DLG2: variants seen among roughly 807,000 people sequenced by gnomAD.
The protein encoded by DLG2 is disks large homolog 2.
In DLG2, 45 loss-of-function variants were observed where a neutral mutation model predicts 132.5. The ratio of observed to expected loss-of-function variants is 0.34; its 90% CI spans 0.27 to 0.44. The LOEUF (loss-of-function observed/expected upper bound fraction) is 0.44. Among genes scored for constraint, DLG2 ranks in the 20% least tolerant of loss-of-function variants. The pLI is 1.00. For synonymous variants in DLG2, 424 were observed against 419.6 expected, an observed-to-expected ratio of 1.01 and a Z score of -0.13; for missense variants, 1,045 against 1,196.9, an observed-to-expected ratio of 0.87 and a Z score of 1.87.
At chr11:85,242,426 T>A (rs1319170661) in intron 4 of DLG2, among the ~76,000 whole-genome samples, 1 of 151,956 alleles carries the variant, frequency 6.6e-6, no homozygotes, top group Admixed American at 6.6e-5. Context: ...AGATTAGCTA[T>A]CTTTCTTAAT....
At chr11:84,196,404 G>A (rs1270660312) in intron 8 of DLG2, among the ~76,000 whole-genome samples, 3 of 152,186 alleles carry the variant, frequency 2.0e-5, no homozygotes, top group Non-Finnish European at 2.9e-5. Flanking sequence ...GTGTGAGAAA[G>A]TGTTGAGCGG....
intron 18 of DLG2, among the ~76,000 whole-genome samples, chr11:83,747,344 C>A (rs1365651325): frequency 1.3e-5 from 2 of 149,408 alleles, no homozygotes; most frequent in Non-Finnish European, 3.0e-5. Flanking sequence ...TCCTTCCTGC[C>A]TTCCTTCCTG....
At chr11:84,117,139 T>G (rs1291003556) in intron 9 of DLG2, among the ~76,000 whole-genome samples, 1 of 152,176 alleles carries the variant, frequency 6.6e-6, no homozygotes, top group Non-Finnish European at 1.5e-5. Context: ...CGCACCCTAA[T>G]CCTTACAAAT....
chr11:83,503,939 C>T (rs979133781), intron 21 of DLG2, among the ~76,000 whole-genome samples: 1 of 152,122 alleles, frequency 6.6e-6, no homozygotes, highest in East Asian at 1.9e-4. Context: ...GTCATAATTA[C>T]ACCTAACATA....
chr11:84,281,839 G>C (rs1170309557), intron 7 of DLG2, among the ~76,000 whole-genome samples: 1 of 152,026 alleles, frequency 6.6e-6, no homozygotes, highest in Non-Finnish European at 1.5e-5. Flanking sequence ...TATTAGAATG[G>C]TTAATATTTA....
At chr11:84,561,841 T>A (rs574792625) in intron 6 of DLG2, among the ~76,000 whole-genome samples, 3 of 152,272 alleles carry the variant, frequency 2.0e-5, no homozygotes, top group Admixed American at 2.0e-4. Flanking sequence ...GATTTAAAAT[T>A]GACTTCTTTT....
chr11:85,253,264 G>C (rs2076489491), intron 4 of DLG2, among the ~76,000 whole-genome samples: 1 of 152,092 alleles, frequency 6.6e-6, no homozygotes, highest in African/African-American at 2.4e-5. Flanking sequence ...TTTATCCTAA[G>C]GAAAAATCAC....
chr11:84,554,595 A>G (rs1409270203), intron 6 of DLG2, among the ~76,000 whole-genome samples: 2 of 151,984 alleles, frequency 1.3e-5, no homozygotes, highest in African/African-American at 4.8e-5. Flanking sequence ...AAATATACAA[A>G]ATTAGCCGGG....
intron 6 of DLG2, among the ~76,000 whole-genome samples, chr11:84,660,524 T>C (rs2099693440): frequency 6.6e-6 from 1 of 152,114 alleles, no homozygotes; most frequent in Non-Finnish European, 1.5e-5. Flanking sequence ...GTAAATATGA[T>C]GGGCAGACCA....
At chr11:85,241,815 T>G (rs1392983424) in intron 4 of DLG2, among the ~76,000 whole-genome samples, 1 of 151,978 alleles carries the variant, frequency 6.6e-6, no homozygotes, top group African/African-American at 2.4e-5. Context: ...AATAGAAGTC[T>G]GTAATTAAGG....
intron 7 of DLG2, among the ~76,000 whole-genome samples, chr11:84,349,596 T>A (rs2098553702): frequency 6.6e-6 from 1 of 152,184 alleles, no homozygotes; most frequent in Non-Finnish European, 1.5e-5. Flanking sequence ...GTACAGTAGG[T>A]CTAACATGAC....
chr11:85,228,503 G>A (rs962541688), intron 4 of DLG2, among the ~76,000 whole-genome samples: 35 of 152,038 alleles, frequency 2.3e-4, no homozygotes, highest in African/African-American at 8.4e-4. Flanking sequence ...TTTAACCTTT[G>A]TTGGTAATTC....
At chr11:83,595,286 T>TATTAAGTCTTTTCTCTTACA (rs2153348461) in intron 19 of DLG2, among the ~76,000 whole-genome samples, 1 of 152,334 alleles carries the variant, frequency 6.6e-6, no homozygotes, top group East Asian at 1.9e-4. Flanking sequence ...CTAGATAATG[T>TATTAAGTCTTTTCTCTTACA]ATTAAGTCTT....
intron 6 of DLG2, among the ~76,000 whole-genome samples, chr11:84,561,836 A>T (rs1258550209): frequency 1.3e-5 from 2 of 152,168 alleles, no homozygotes; most frequent in African/African-American, 4.8e-5. Flanking sequence ...TTGAAGATTT[A>T]AAATTGACTT....
chr11:84,835,696 C>T (rs73514970), intron 6 of DLG2, among the ~76,000 whole-genome samples: 11,024 of 151,586 alleles, frequency 0.073, 482 homozygotes, highest in East Asian at 0.25. Flanking sequence ...TATATTTTTA[C>T]GAATGAAAAC....
intron 3 of DLG2, among the ~76,000 whole-genome samples, chr11:85,477,755 G>A (rs955333668): frequency 2.6e-5 from 4 of 152,088 alleles, no homozygotes; most frequent in African/African-American, 9.7e-5. Flanking sequence ...AGAGTAACAT[G>A]GAAGATATTT....
chr11:83,459,744 C>T lies in DLG2; in HGVS notation c.*74G>A. The T allele has an allele frequency of 3.8e-6, 3 of 789,240 alleles. No homozygotes were observed. The highest frequency in any genetic ancestry group is 2.3e-4 in the Middle Eastern group (1 of 4,276). The allele number at this position is 789,240 out of a possible 1,614,324, so 48.9% of individuals were successfully genotyped here. A position where few individuals can be genotyped will look rare whatever the true frequency, so the allele number is the denominator to read the frequency against. On this transcript the variant is annotated 3_prime_UTR_variant, in exon 28 of 28. Coordinates refer to ENST00000376104, the MANE Select transcript of DLG2 (RefSeq NM_001142699.3). ...ATAAATGCAACAAAAACATAAAAGC[C>T]TCCAAGTAGTATGTTATATATATTT...
chr11:84,648,377 T>C (rs1254204489), intron 6 of DLG2, among the ~76,000 whole-genome samples: 1 of 152,224 alleles, frequency 6.6e-6, no homozygotes, highest in Admixed American at 6.5e-5. Context: ...GAATGAATGC[T>C]AGTGCTTCCC....
At chr11:84,869,773 G>A (rs935225207) in intron 6 of DLG2, among the ~76,000 whole-genome samples, 2 of 152,176 alleles carry the variant, frequency 1.3e-5, no homozygotes, top group South Asian at 4.1e-4. Context: ...CCAGTACCAC[G>A]CCTGGGTTGG....
Sources: allele counts gnomAD v4.1 joint callset (sites outside exome capture counted in the v4.1 genomes callset), GRCh38; gene constraint gnomAD v4.1.1; transcripts MANE v1.5; gene names NCBI Gene and HGNC (gene_info 2026-07-23, HGNC 2026-07-21).